Variants in PDHX observed in about 807,000 individuals in gnomAD.
PDHX encodes pyruvate dehydrogenase complex component X, also known as pyruvate dehydrogenase protein X component, mitochondrial.
PDHX carries 33 observed loss-of-function variants against 55.3 expected under a neutral mutation model. The ratio of observed to expected loss-of-function variants is 0.60; its 90% CI spans 0.45 to 0.80. The LOEUF (loss-of-function observed/expected upper bound fraction) is 0.80. PDHX is among the 30% of genes least tolerant of loss of function. PDHX has a pLI of 0.00. For synonymous variants in PDHX, 226 were observed against 219.4 expected (o/e 1.03, Z -0.27); for missense variants, 622 against 619.9 (o/e 1.00, Z -0.04).
chr11:34,965,629 C>CATGT (rs1402893516), intron 5 of PDHX, among the ~76,000 whole-genome samples: 3 of 152,132 alleles, frequency 2.0e-5, no homozygotes, highest in African/African-American at 7.2e-5. Context: ...TGATATGGGG[C>CATGT]ATGTACACCA....
intron 3 of PDHX, 32 bp downstream of exon 3, chr11:34,947,638 A>G (rs1044829074): frequency 2.1e-6 from 3 of 1,401,794 alleles, no homozygotes; most frequent in Non-Finnish European, 3.0e-6. Flanking sequence ...CTTCAACAGG[A>G]TGAAGATTTC....
intron 3 of PDHX, among the ~76,000 whole-genome samples, chr11:34,950,259 A>C (rs2133965326): frequency 6.6e-6 from 1 of 152,072 alleles, no homozygotes; most frequent in East Asian, 1.9e-4. Context: ...AGACCGTGAT[A>C]TTTTTAATTG....
At chr11:34,991,056 T>C (rs918242023) in intron 9 of PDHX, among the ~76,000 whole-genome samples, 1 of 152,208 alleles carries the variant, frequency 6.6e-6, no homozygotes, top group African/African-American at 2.4e-5. Context: ...CCCTTGCTTT[T>C]AAGCACTGAA....
chr11:34,924,814 T>A (rs1161223347), intron 1 of PDHX, among the ~76,000 whole-genome samples: 1 of 152,196 alleles, frequency 6.6e-6, no homozygotes, highest in African/African-American at 2.4e-5. Context: ...CACCCAACTT[T>A]CCCAGTCTTC....
intron 6 of PDHX, 80 bp downstream of exon 6, chr11:34,966,894 C>A: frequency 1.6e-6 from 2 of 1,264,278 alleles, no homozygotes; most frequent in Non-Finnish European, 2.3e-6. Flanking sequence ...CACTGTCACC[C>A]AGGCTGGAGT....
chr11:34,970,302 T>C lies in PDHX; in HGVS notation c.964+16T>C, dbSNP rs1330731704. ...CTGGTCAAAGGTTAGTAAAATTGAA[T>C]TTACTTAATACAAAACACATGCTAA... On this transcript the variant is annotated intron_variant, in intron 7 of 10. Transcript: ENST00000227868. The C allele has an allele frequency of 6.2e-7, 1 of 1,600,368 alleles. No individual in the cohort carries two copies. Among genetic ancestry groups the C allele is most frequent in the Non-Finnish European group, 8.6e-7 (1 of 1,167,778 alleles).
intron 9 of PDHX, among the ~76,000 whole-genome samples, chr11:34,987,876 A>T (rs1257168491): frequency 6.6e-6 from 1 of 152,138 alleles, no homozygotes; most frequent in African/African-American, 2.4e-5. Context: ...TATAGTAGTG[A>T]GTCACCTTTG....
At chr11:34,916,011 T>C (rs553562791), upstream of PDHX, 2 of 619,546 alleles carry the variant, frequency 3.2e-6, no homozygotes, top group African/African-American at 1.9e-5. Flanking sequence ...GCTCCCGCCA[T>C]CGGAGCGCCC....
rs1332517446 is a variant in PDHX at position 34,970,205 on chromosome 11, A to G, written c.883A>G (p.Lys295Glu). ...TATTGCCAAGAGATTAACTGAATCTAAAAGTACTGTACCTCATGCATATGC... is the reference window on the plus strand; with the variant it reads ...TATTGCCAAGAGATTAACTGAATCTGAAAGTACTGTACCTCATGCATATGC... ...RVIAKRLTES[K>E]STVPHAYATA... is the part of the protein sequence containing the mutation. The change falls in exon 7 of 11, where the codon AAA (lysine) becomes GAA (glutamate). Residue 295 changes from lysine to glutamate, a missense_variant. By Grantham distance (56) the Lys-to-Glu change is moderately conservative. Coordinates refer to ENST00000227868, the MANE Select transcript of PDHX (RefSeq NM_003477.3). 2 of 1,612,576 alleles carry G rather than the reference A, an allele frequency of 1.2e-6. No homozygotes were observed. The highest frequency in any genetic ancestry group is 1.1e-5 in the South Asian group (1 of 91,062).
intron 1 of PDHX, among the ~76,000 whole-genome samples, chr11:34,926,143 CTT>C (rs1854014440): frequency 6.6e-6 from 1 of 152,270 alleles, no homozygotes; most frequent in East Asian, 1.9e-4. Flanking sequence ...ACAAAGAAGA[CTT>C]ATATGACAAA....
At chr11:34,961,733 T>G (rs2133976592) in intron 5 of PDHX, among the ~76,000 whole-genome samples, 1 of 152,370 alleles carries the variant, frequency 6.6e-6, no homozygotes, top group Non-Finnish European at 1.5e-5. Context: ...TACTAATTTG[T>G]TAACTGAATG....
In PDHX at chr11:34,923,299, A is replaced by G. The variant is rs80090543; in HGVS notation, c.160+6484A>G. Among the ~76,000 whole-genome samples, 832 of 152,284 alleles carry G rather than the reference A, an allele frequency of 5.5e-3. 12 individuals are homozygous for G. The highest frequency in any genetic ancestry group is 0.019 in the African/African-American group (798 of 41,570). ...TAAATCAAGGACTTTATTATATGAA[A>G]CATTCCTAGGGAAAAATTAGGATCA... On this transcript the variant is annotated intron_variant, in intron 1 of 10. Coordinates refer to ENST00000227868, the MANE Select transcript of PDHX (RefSeq NM_003477.3).
chr11:34,989,553 T>C (rs1270662799), intron 9 of PDHX, among the ~76,000 whole-genome samples: 3 of 152,128 alleles, frequency 2.0e-5, no homozygotes, highest in Non-Finnish European at 4.4e-5. Flanking sequence ...GGAGTAGTCT[T>C]TTTGAAAAGA....
rs867037328 is a variant in PDHX at position 34,984,449 on chromosome 11, T to G, written c.1024-121T>G. ...CATACCATTTTTTCAAACGAAATTT[T>G]TATTTATTTTCTCTTATCTAGCTAT... On this transcript the variant is annotated intron_variant, in intron 8 of 10. Coordinates refer to ENST00000227868, the MANE Select transcript of PDHX (RefSeq NM_003477.3). The G allele has an allele frequency of 5.0e-5, 40 of 803,526 alleles. No homozygotes were observed. The Middle Eastern group carries it at 1.3e-3, about 26-fold the overall frequency. The allele number at this position is 803,526 out of a possible 1,614,324, so 49.8% of individuals were successfully genotyped here.
chr11:34,951,049 CTTTT>C (rs1179399887), intron 3 of PDHX, among the ~76,000 whole-genome samples: 24 of 88,608 alleles, frequency 2.7e-4, no homozygotes, highest in African/African-American at 1.2e-3. Context: ...TGTTTCCTGA[CTTTT>C]TTTTTTTTTT....
intron 2 of PDHX, among the ~76,000 whole-genome samples, chr11:34,936,430 G>C (rs1399326021): frequency 6.6e-6 from 1 of 152,152 alleles, no homozygotes; most frequent in Non-Finnish European, 1.5e-5. Flanking sequence ...ATGGCAGAGG[G>C]GAAAGTAAGC....
intron 5 of PDHX, among the ~76,000 whole-genome samples, chr11:34,964,538 T>C (rs1235254428): frequency 1.3e-5 from 2 of 151,920 alleles, no homozygotes; most frequent in Non-Finnish European, 2.9e-5. Context: ...CTGGAGGCGG[T>C]GGTTGCAGTG....
At chr11:34,917,501 A>C (rs1853759443) in intron 1 of PDHX, among the ~76,000 whole-genome samples, 1 of 152,190 alleles carries the variant, frequency 6.6e-6, no homozygotes, top group South Asian at 2.1e-4. Flanking sequence ...GCAAAATGGC[A>C]GGCCGGGTAT....
intron 2 of PDHX, among the ~76,000 whole-genome samples, chr11:34,947,212 C>T (rs924375445): frequency 6.6e-6 from 1 of 152,072 alleles, no homozygotes; most frequent in Non-Finnish European, 1.5e-5. Flanking sequence ...ACATTTGTTG[C>T]TGATGTCTTT....
Sources: allele counts gnomAD v4.1 joint callset (sites outside exome capture counted in the v4.1 genomes callset), GRCh38; gene constraint gnomAD v4.1.1; transcripts MANE v1.5; gene names NCBI Gene and HGNC (gene_info 2026-07-23, HGNC 2026-07-21).